CSMD1: variants seen among roughly 807,000 people sequenced by gnomAD.
CSMD1 encodes the protein CUB and sushi domain-containing protein 1.
A neutral mutation model predicts 417.5 loss-of-function variants in CSMD1; 213 were observed. That is an observed-to-expected ratio of 0.51 (90% CI 0.46 to 0.57). The LOEUF is 0.57. CSMD1 is among the 20% of genes least tolerant of loss of function. CSMD1 has a pLI of 0.00. For synonymous variants in CSMD1, 2,862 were observed against 1,736.8 expected, an observed-to-expected ratio of 1.65 and a Z score of -16.11; for missense variants, 6,923 against 4,529.7, an observed-to-expected ratio of 1.53 and a Z score of -15.17.
chr8:4,493,073 A>G (rs1239225806), intron 2 of CSMD1, among the ~76,000 whole-genome samples: 1 of 152,142 alleles, frequency 6.6e-6, no homozygotes, highest in Non-Finnish European at 1.5e-5. Flanking sequence ...AGGTTAATAC[A>G]TTTGCTTATA....
intron 1 of CSMD1, among the ~76,000 whole-genome samples, chr8:4,656,518 C>T (rs1175048179): frequency 6.6e-6 from 1 of 151,736 alleles, no homozygotes; most frequent in Non-Finnish European, 1.5e-5. Context: ...TGCAGGGATT[C>T]TGACAACTTT....
chr8:3,042,194 G>C (rs78521292), intron 50 of CSMD1, among the ~76,000 whole-genome samples: 6,098 of 152,212 alleles, frequency 0.04, 413 homozygotes, highest in African/African-American at 0.14. Flanking sequence ...TTTTTGGCCT[G>C]AACTATTTCT....
At chr8:3,994,400 A>G (rs1413368574) in intron 5 of CSMD1, among the ~76,000 whole-genome samples, 1 of 145,838 alleles carries the variant, frequency 6.9e-6, no homozygotes, top group East Asian at 2.1e-4. Flanking sequence ...TTTCTTCTTG[A>G]TATTATTAGA....
intron 7 of CSMD1, among the ~76,000 whole-genome samples, chr8:3,629,353 C>T (rs1210573667): frequency 3.3e-5 from 5 of 152,072 alleles, no homozygotes; most frequent in Non-Finnish European, 5.9e-5. Flanking sequence ...TCAGATACAG[C>T]GTCCTCCATT....
At chr8:4,054,338 T>G (rs1306803865) in intron 3 of CSMD1, among the ~76,000 whole-genome samples, 1 of 152,128 alleles carries the variant, frequency 6.6e-6, no homozygotes, top group Non-Finnish European at 1.5e-5. Context: ...GGTAGGAATG[T>G]GTGGTTTGAT....
intron 1 of CSMD1, among the ~76,000 whole-genome samples, chr8:4,759,535 G>A (rs997121511): frequency 6.6e-6 from 1 of 151,928 alleles, no homozygotes; most frequent in African/African-American, 2.4e-5. Flanking sequence ...GCATGCACTA[G>A]GATTTTTTTC....
chr8:4,409,809 G>T (rs748277942), intron 3 of CSMD1, among the ~76,000 whole-genome samples: 1 of 151,950 alleles, frequency 6.6e-6, no homozygotes, highest in Non-Finnish European at 1.5e-5. Context: ...TAACAATACC[G>T]TACTTTTAGT....
Position 3,557,040 on chromosome 8 carries a change from A to C in CSMD1, c.1344+17905T>G, listed in dbSNP as rs537159132. On this transcript the variant is annotated intron_variant, in intron 10 of 69. Coordinates refer to ENST00000635120, the MANE Select transcript of CSMD1 (RefSeq NM_033225.6). ...GCACTTTGGTGGAAACTGCAGGGTA[A>C]TGGCACTGTCAAAAAACACAGAATG... 8.5e-5 allele frequency among the ~76,000 whole-genome samples: 13 copies of C among 152,330 alleles called. No individual in the cohort carries two copies. The South Asian group carries it at 2.7e-3, about 32-fold the overall frequency.
chr8:4,088,595 T>C (rs1800545975), intron 3 of CSMD1, among the ~76,000 whole-genome samples: 1 of 152,140 alleles, frequency 6.6e-6, no homozygotes, highest in Non-Finnish European at 1.5e-5. Flanking sequence ...CTCCCACATG[T>C]ATTCTCTCTC....
At chr8:3,102,050 C>A (rs753363740) in intron 46 of CSMD1, among the ~76,000 whole-genome samples, 2 of 152,076 alleles carry the variant, frequency 1.3e-5, no homozygotes, top group Non-Finnish European at 2.9e-5. Flanking sequence ...GATCCTCCCA[C>A]CTCGGCCTCC....
chr8:3,641,384 C>A (rs1263145610), intron 7 of CSMD1, among the ~76,000 whole-genome samples: 2 of 152,110 alleles, frequency 1.3e-5, no homozygotes, highest in African/African-American at 4.8e-5. Flanking sequence ...TAACGTCAGA[C>A]TGAGCAGATC....
rs555975289 is a variant in CSMD1, at chr8:3,922,465, G to A, written c.818+75438C>T. ...ATTAATATATTCTGTTCTGTTTCTC[G>A]TCACATTTTCTTTCATAATTTGATA... On this transcript the variant is annotated intron_variant, in intron 5 of 69. Coordinates refer to ENST00000635120, the MANE Select transcript of CSMD1 (RefSeq NM_033225.6). Among the ~76,000 whole-genome samples the A allele has an allele frequency of 1.6e-4, 25 of 151,920 alleles. 1 individual carries two copies. In the South Asian group the frequency reaches 4.2e-3, roughly 25 times the overall value.
At chr8:4,768,837 T>C (rs532270839) in intron 1 of CSMD1, among the ~76,000 whole-genome samples, 8 of 152,304 alleles carry the variant, frequency 5.3e-5, no homozygotes, top group African/African-American at 1.2e-4. Flanking sequence ...TTATTATTCA[T>C]ATGGGAAGGG....
At chr8:4,922,488 C>A (rs561463375) in intron 1 of CSMD1, among the ~76,000 whole-genome samples, 1 of 152,252 alleles carries the variant, frequency 6.6e-6, no homozygotes, top group South Asian at 2.1e-4. Context: ...ATGTATTCTT[C>A]CTACCTTAAA....
chr8:3,260,090 T>G (rs1247507604), intron 26 of CSMD1, among the ~76,000 whole-genome samples: 2 of 152,202 alleles, frequency 1.3e-5, no homozygotes, highest in African/African-American at 4.8e-5. Context: ...TGCATTTATA[T>G]GGCATTTTTC....
At chr8:4,115,814 GT>G (rs1296221069) in intron 3 of CSMD1, among the ~76,000 whole-genome samples, 1 of 151,336 alleles carries the variant, frequency 6.6e-6, no homozygotes, top group Non-Finnish European at 1.5e-5. Flanking sequence ...ATATTTCTCA[GT>G]AAAAAAAAAG....
chr8:3,889,902 G>C (rs1001924122), intron 5 of CSMD1, among the ~76,000 whole-genome samples: 1 of 152,086 alleles, frequency 6.6e-6, no homozygotes, highest in African/African-American at 2.4e-5. Context: ...TACTTTCTGA[G>C]TTGCGCATAA....
chr8:4,946,872 C>T (rs948731945), intron 1 of CSMD1, among the ~76,000 whole-genome samples: 5 of 151,914 alleles, frequency 3.3e-5, no homozygotes, highest in African/African-American at 7.3e-5. Flanking sequence ...AAATCATAGC[C>T]ATGATTTAAT....
chr8:3,563,131 T>C (rs1477039312), intron 10 of CSMD1, among the ~76,000 whole-genome samples: 1 of 152,112 alleles, frequency 6.6e-6, no homozygotes, highest in East Asian at 1.9e-4. Flanking sequence ...AATTTATTTC[T>C]TCCCCCTATT....
Sources: allele counts gnomAD v4.1 joint callset (sites outside exome capture counted in the v4.1 genomes callset), GRCh38; gene constraint gnomAD v4.1.1; transcripts MANE v1.5; gene names NCBI Gene and HGNC (gene_info 2026-07-23, HGNC 2026-07-21).